The following TOP3A variants were observed in gnomAD, a reference collection of about 807,000 sequenced individuals.
TOP3A encodes DNA topoisomerase III alpha, also known as DNA topoisomerase 3-alpha.
TOP3A carries 64 observed loss-of-function variants against 111.3 expected under a neutral mutation model. That is an observed-to-expected ratio of 0.57 (90% CI 0.47 to 0.71). The LOEUF (loss-of-function observed/expected upper bound fraction) is 0.71, where lower values mean the gene tolerates loss of function less well. Ranked by LOEUF, TOP3A falls within the 30% of genes least tolerant of loss-of-function variation. The pLI is 0.00. For missense variants in TOP3A, 1,104 were observed against 1,285.0 expected, an observed-to-expected ratio of 0.86 and a Z score of 2.15; for synonymous variants, 484 against 485.1, an observed-to-expected ratio of 1.00 and a Z score of 0.03.
chr17:18,303,967 G>A (rs1981400055), intron 5 of TOP3A, among the ~76,000 whole-genome samples: 1 of 152,058 alleles, frequency 6.6e-6, no homozygotes, highest in African/African-American at 2.4e-5. Flanking sequence ...AATGCTCTTG[G>A]TGAACATTTT....
At chr17:18,283,135 C>T (rs942897561) in intron 15 of TOP3A, among the ~76,000 whole-genome samples, 7 of 152,130 alleles carry the variant, frequency 4.6e-5, no homozygotes, top group Admixed American at 4.6e-4. Context: ...AATCCCAGGC[C>T]GAGGCGGGCG....
intron 4 of TOP3A, 108 bp downstream of exon 4, chr17:18,306,783 T>C (rs1014240400): frequency 2.8e-5 from 22 of 774,956 alleles, no homozygotes; most frequent in Non-Finnish European, 3.4e-5. Flanking sequence ...TGGTAGTGAC[T>C]TTGGTGGAAA....
intron 9 of TOP3A, among the ~76,000 whole-genome samples, chr17:18,296,494 C>T (rs1980814355): frequency 6.6e-6 from 1 of 152,068 alleles, no homozygotes; most frequent in Admixed American, 6.6e-5. Flanking sequence ...GCAGGAGACT[C>T]GCTTGAGCCC....
At chr17:18,284,699 C>G (rs2142947944) in intron 15 of TOP3A, among the ~76,000 whole-genome samples, 1 of 152,132 alleles carries the variant, frequency 6.6e-6, no homozygotes, top group South Asian at 2.1e-4. Context: ...ACAAATGGAT[C>G]ACACTCCAGC....
intron 6 of TOP3A, 40 bp from the exon 7 acceptor site, chr17:18,302,474 G>A (rs1567748808): frequency 6.3e-7 from 1 of 1,596,236 alleles, no homozygotes; most frequent in Admixed American, 1.7e-5. Context: ...GAAAATGATG[G>A]ATAATGAGAG....
At position 18,286,241 on chromosome 17, in the gene TOP3A, C is replaced by T. The variant is rs536983325; in HGVS notation, c.1598-721G>A. Among the ~76,000 whole-genome samples the T allele has an allele frequency of 2.3e-4, 34 of 150,472 alleles. 1 individual carries two copies. In the East Asian group the frequency reaches 5.9e-3, roughly 26 times the overall value. On this transcript the variant is annotated intron_variant, in intron 13 of 18. Coordinates refer to ENST00000321105, the MANE Select transcript of TOP3A (RefSeq NM_004618.5). ...AAAAAGGGCTGGGCGTGGTGGCTCACGCCTGTAATCCCAGCAATTTGGGAA... is the reference window on the plus strand; with the variant it reads ...AAAAAGGGCTGGGCGTGGTGGCTCATGCCTGTAATCCCAGCAATTTGGGAA...
chr17:18,286,471 G>A (rs953609734), intron 13 of TOP3A, among the ~76,000 whole-genome samples: 8 of 152,080 alleles, frequency 5.3e-5, no homozygotes, highest in Non-Finnish European at 8.8e-5. Flanking sequence ...AGCGGAGATC[G>A]AGCCACTGCA....
intron 8 of TOP3A, among the ~76,000 whole-genome samples, chr17:18,300,355 T>C (rs927549950): frequency 6.7e-6 from 1 of 148,668 alleles, no homozygotes; most frequent in Non-Finnish European, 1.5e-5. Context: ...GATCGTGCCA[T>C]TGCACTCCAG....
chr17:18,274,928 C>T lies in TOP3A; in HGVS notation c.2880G>A (p.Ser960=), dbSNP rs541672157. The part of the protein sequence containing the change: ...WTGDRGRTLE[S]EARSKRPRAS... ...CCCGGGGCCTTTTGCTTCTGGCTTC[C>T]GACTCCAGGGTTCTTCCTCTGTCTC... The change falls in exon 19 of 19, where the codon TCG becomes TCA. Residue 960 remains serine (S), a synonymous_variant. Coordinates refer to ENST00000321105, the MANE Select transcript of TOP3A (RefSeq NM_004618.5). The T allele has an allele frequency of 7.4e-6, 12 of 1,614,122 alleles. No individual in the cohort carries two copies. The highest frequency in any genetic ancestry group is 6.7e-5 in the East Asian group (3 of 44,868).
At chr17:18,304,355 T>C (rs1336797671) in intron 5 of TOP3A, among the ~76,000 whole-genome samples, 6 of 152,236 alleles carry the variant, frequency 3.9e-5, no homozygotes, top group Non-Finnish European at 8.8e-5. Flanking sequence ...GGGAATTTCA[T>C]GTCCCTTCAG....
Position 18,307,061 on chromosome 17 carries a change from ATCC to A in TOP3A, c.315-98_315-96del, listed in dbSNP as rs1055925445. The A allele has an allele frequency of 4.8e-6, 4 of 839,136 alleles. No individual in the cohort carries two copies. The African/African-American group carries it at 6.9e-5, about 14-fold the overall frequency. 52.0% of individuals were successfully genotyped at this position (839,136 alleles called of 1,614,324 possible). A position where few individuals can be genotyped will look rare whatever the true frequency, so the allele number is the denominator to read the frequency against. On this transcript the variant is annotated intron_variant, in intron 3 of 18. Coordinates refer to ENST00000321105, the MANE Select transcript of TOP3A (RefSeq NM_004618.5). ...AACTGTTCCAATGGGTTCATGGTGT[ATCC>A]CCAAAAGAAAAGGTCCCGGTGAATT...
intron 18 of TOP3A, among the ~76,000 whole-genome samples, chr17:18,276,103 T>C (rs1189815800): frequency 6.6e-6 from 1 of 152,184 alleles, no homozygotes; most frequent in African/African-American, 2.4e-5. Flanking sequence ...TTTGGAGACA[T>C]TGTCCCACAC....
chr17:18,299,093 GC>G (rs2142979294), intron 9 of TOP3A, among the ~76,000 whole-genome samples: 1 of 150,214 alleles, frequency 6.7e-6, no homozygotes, highest in South Asian at 2.1e-4. Flanking sequence ...AAAAAAAAGA[GC>G]AAAACTCCAT....
At chr17:18,296,446 G>A (rs2142974382) in intron 9 of TOP3A, among the ~76,000 whole-genome samples, 1 of 152,192 alleles carries the variant, frequency 6.6e-6, no homozygotes, top group Non-Finnish European at 1.5e-5. Flanking sequence ...TGGGTGTGGT[G>A]GCGCGCACCT....
rs371347241 is a variant in TOP3A, at chr17:18,308,900, A to G, written c.222T>C (p.Asp74=). The G allele has an allele frequency of 6.4e-7, 1 of 1,568,220 alleles. No homozygotes were observed. Among genetic ancestry groups the G allele is most frequent in the Non-Finnish European group, 8.7e-7 (1 of 1,152,910 alleles). The change falls in exon 2 of 19, where the codon GAT becomes GAC. Residue 74 remains aspartate, a synonymous_variant. Coordinates refer to ENST00000321105, the MANE Select transcript of TOP3A (RefSeq NM_004618.5). ...LSKFNKIYEF[D]YHLYGQNVTM... ...CACCTACCTGGCCATACAGATGATA[A>G]TCAAATTCATAGATCTTGTTGAATT...
chr17:18,285,410 C>G lies in TOP3A; in HGVS notation c.1708G>C (p.Glu570Gln). The change falls in exon 14 of 19, where the codon GAA becomes CAA. Residue 570 changes from glutamate (E) to glutamine (Q), a missense_variant. Coordinates refer to ENST00000321105, the MANE Select transcript of TOP3A (RefSeq NM_004618.5). ...TGCAAGCTCTGTCCTCCCTTACCTT[C>G]CACAAGTCCCATGCCCAGGTGCCCA... The part of the protein sequence containing the change: ...LPGHLGMGLV[E>Q]GYDSMGYEMS... 1 of 1,614,150 alleles carries G rather than the reference C, an allele frequency of 6.2e-7. No individual in the cohort carries two copies. Among genetic ancestry groups the G allele is most frequent in the Non-Finnish European group, 8.5e-7 (1 of 1,180,020 alleles).
chr17:18,281,580 A>C (rs1979761262), intron 16 of TOP3A, among the ~76,000 whole-genome samples: 1 of 152,192 alleles, frequency 6.6e-6, no homozygotes, highest in Non-Finnish European at 1.5e-5. Flanking sequence ...GCATTTATTA[A>C]GTGCTGAAAT....
At chr17:18,308,223 CAAAAAAAAAAAAAAAAAA>C (rs201230376) in intron 3 of TOP3A, 110 bp downstream of exon 3, 15,015 of 244,190 alleles carry the variant, frequency 0.061, 157 homozygotes, top group Middle Eastern at 0.11. Flanking sequence ...TTGTCTCCAA[CAAAAAAAAAAAAAAAAAA>C]AAAAAAAAAA....
Position 18,314,785 on chromosome 17 carries a change from A to C in TOP3A, c.-7T>G. 1 of 1,511,488 alleles carries C rather than the reference A, an allele frequency of 6.6e-7. No individual in the cohort carries two copies. The allele number at this position is 1,511,488 out of a possible 1,614,324, so 93.6% of individuals were successfully genotyped here. A position where few individuals can be genotyped will look rare whatever the true frequency, so the allele number is the denominator to read the frequency against. The stretch of plus-strand genomic sequence containing the variant: ...GGGCGACAGGAAAGATCATCCTCAG[A>C]CCTCGCGCCCGGAGCCGCTCCCCGG... On this transcript the variant is annotated 5_prime_UTR_variant, in exon 1 of 19. Coordinates refer to ENST00000321105, the MANE Select transcript of TOP3A (RefSeq NM_004618.5).
Sources: allele counts gnomAD v4.1 joint callset (sites outside exome capture counted in the v4.1 genomes callset), GRCh38; gene constraint gnomAD v4.1.1; transcripts MANE v1.5; gene names NCBI Gene and HGNC (gene_info 2026-07-23, HGNC 2026-07-21).